The following CNTN4 variants were observed in gnomAD, a reference collection of about 807,000 sequenced individuals.
CNTN4 encodes the protein contactin-4.
Under a neutral mutation model 122.5 loss-of-function variants are expected in CNTN4, and 77 were observed. The observed-to-expected ratio is 0.63, with a 90% confidence interval of 0.52 to 0.76. The LOEUF (loss-of-function observed/expected upper bound fraction) is 0.76. Ranked by LOEUF, CNTN4 falls within the 30% of genes least tolerant of loss-of-function variation. CNTN4 has a pLI of 0.00. For missense variants in CNTN4, 1,256 were observed against 1,259.1 expected (o/e 1.00, Z 0.04); for synonymous variants, 512 against 447.0 (o/e 1.15, Z -1.83).
Position 2,675,684 on chromosome 3 carries a change from C to A in CNTN4, c.56-60531C>A, listed in dbSNP as rs117993379. ...CATTGAATGGGAGGAAATAGCTGTTCTGAATAATGACTCAAAATAACAGAG... is the reference window on the plus strand; with the variant it reads ...CATTGAATGGGAGGAAATAGCTGTTATGAATAATGACTCAAAATAACAGAG... On this transcript the variant is annotated intron_variant, in intron 4 of 24. Transcript: ENST00000418658. Among the ~76,000 whole-genome samples, 23 of 152,268 alleles carry A rather than the reference C, an allele frequency of 1.5e-4. No individual in the cohort carries two copies. In the East Asian group the frequency reaches 4.4e-3, roughly 29 times the overall value.
At chr3:2,434,764 A>G (rs954314918) in intron 3 of CNTN4, among the ~76,000 whole-genome samples, 1 of 152,142 alleles carries the variant, frequency 6.6e-6, no homozygotes, top group African/African-American at 2.4e-5. Context: ...GACAGACTCA[A>G]AGACCTATCA....
intron 4 of CNTN4, among the ~76,000 whole-genome samples, chr3:2,667,317 T>A (rs1368903686): frequency 3.3e-5 from 5 of 152,210 alleles, no homozygotes; most frequent in African/African-American, 1.2e-4. Flanking sequence ...ATTGTGGTTT[T>A]GATTTGCATT....
intron 2 of CNTN4, among the ~76,000 whole-genome samples, chr3:2,275,165 C>T (rs2041454326): frequency 6.6e-6 from 1 of 152,192 alleles, no homozygotes; most frequent in African/African-American, 2.4e-5. Flanking sequence ...ATGTTTACTG[C>T]TGTAAGTGGT....
At chr3:2,128,297 T>C (rs2125260025) in intron 2 of CNTN4, among the ~76,000 whole-genome samples, 1 of 152,340 alleles carries the variant, frequency 6.6e-6, no homozygotes, top group East Asian at 1.9e-4. Context: ...AAACACATAT[T>C]TCCAGAATGG....
At chr3:2,286,137 A>C (rs1184641819) in intron 2 of CNTN4, among the ~76,000 whole-genome samples, 1 of 151,670 alleles carries the variant, frequency 6.6e-6, no homozygotes, top group Non-Finnish European at 1.5e-5. Context: ...ATGGTATTAT[A>C]TCTTCTTTAA....
intron 2 of CNTN4, among the ~76,000 whole-genome samples, chr3:2,243,857 C>T (rs2040037276): frequency 6.6e-6 from 1 of 152,004 alleles, no homozygotes; most frequent in African/African-American, 2.4e-5. Context: ...TGTAAGTTGC[C>T]ATACTTCTGC....
chr3:2,164,592 C>T (rs1056788537), intron 2 of CNTN4, among the ~76,000 whole-genome samples: 1 of 152,006 alleles, frequency 6.6e-6, no homozygotes, highest in African/African-American at 2.4e-5. Context: ...ATTTTGAATT[C>T]CAAGGTAAAG....
intron 3 of CNTN4, among the ~76,000 whole-genome samples, chr3:2,434,146 A>G (rs2048177071): frequency 6.6e-6 from 1 of 152,202 alleles, no homozygotes; most frequent in Non-Finnish European, 1.5e-5. Flanking sequence ...TGCTGAGTAA[A>G]TTTTAAATGT....
chr3:2,373,613 A>G (rs1043423744), intron 3 of CNTN4, among the ~76,000 whole-genome samples: 2 of 152,228 alleles, frequency 1.3e-5, no homozygotes, highest in Non-Finnish European at 2.9e-5. Context: ...TGGTACAAGC[A>G]TGTATTAAAA....
At chr3:2,308,511 A>G (rs1388548560) in intron 2 of CNTN4, among the ~76,000 whole-genome samples, 2 of 152,090 alleles carry the variant, frequency 1.3e-5, no homozygotes, top group Non-Finnish European at 2.9e-5. Context: ...CTTTTTAAAT[A>G]TACGCATTCA....
intron 4 of CNTN4, among the ~76,000 whole-genome samples, chr3:2,670,385 G>A (rs2084433163): frequency 6.6e-6 from 1 of 152,114 alleles, no homozygotes; most frequent in Non-Finnish European, 1.5e-5. Context: ...TTGGTTTAAA[G>A]TCTGTTTTAT....
intron 4 of CNTN4, among the ~76,000 whole-genome samples, chr3:2,706,666 A>C (rs1559410538): frequency 6.6e-6 from 1 of 152,160 alleles, no homozygotes; most frequent in Non-Finnish European, 1.5e-5. Context: ...ATAGCAAAAT[A>C]CTGCTTAATC....
chr3:2,304,094 C>T (rs1219275759), intron 2 of CNTN4, among the ~76,000 whole-genome samples: 2 of 152,008 alleles, frequency 1.3e-5, no homozygotes, highest in Non-Finnish European at 1.5e-5. Context: ...ATGGGTTATT[C>T]GAAGTAGTAG....
chr3:2,674,350 T>C (rs1229896518), intron 4 of CNTN4, among the ~76,000 whole-genome samples: 1 of 152,196 alleles, frequency 6.6e-6, no homozygotes, highest in Non-Finnish European at 1.5e-5. Context: ...ATATATAATG[T>C]ACAATGATCA....
intron 2 of CNTN4, among the ~76,000 whole-genome samples, chr3:2,241,416 C>G (rs1411718278): frequency 6.6e-6 from 1 of 152,162 alleles, no homozygotes; most frequent in African/African-American, 2.4e-5. Flanking sequence ...TATCCTCCTG[C>G]TACTTATTAT....
chr3:2,644,105 G>A (rs1164108228), intron 4 of CNTN4, among the ~76,000 whole-genome samples: 1 of 152,070 alleles, frequency 6.6e-6, no homozygotes, highest in Non-Finnish European at 1.5e-5. Context: ...CAGAGCCAGG[G>A]CATCTGTCCC....
intron 3 of CNTN4, among the ~76,000 whole-genome samples, chr3:2,360,539 C>T (rs557431614): frequency 2.0e-5 from 3 of 152,082 alleles, no homozygotes; most frequent in Non-Finnish European, 4.4e-5. Context: ...CTATAAAGAA[C>T]TTCCCGAGAC....
At chr3:2,109,874 A>G (rs2032809193) in intron 2 of CNTN4, among the ~76,000 whole-genome samples, 1 of 152,180 alleles carries the variant, frequency 6.6e-6, no homozygotes, top group South Asian at 2.1e-4. Flanking sequence ...TTTTTAGTGT[A>G]TTTAATTGGG....
At chr3:2,424,346 G>T (rs542259726) in intron 3 of CNTN4, among the ~76,000 whole-genome samples, 3 of 151,680 alleles carry the variant, frequency 2.0e-5, no homozygotes, top group Non-Finnish European at 4.4e-5. Context: ...ATAGTTTGCT[G>T]ACAATGATGG....
Sources: gnomAD v4.1 joint callset for allele counts (sites outside exome capture counted in the v4.1 genomes callset) on GRCh38, gnomAD v4.1.1 for gene constraint, MANE v1.5 for transcripts, NCBI Gene and HGNC (gene_info 2026-07-23, HGNC 2026-07-21) for gene names.